Variants in POFUT2 observed in about 807,000 individuals in gnomAD.
The protein encoded by POFUT2 is GDP-fucose protein O-fucosyltransferase 2.
A neutral mutation model predicts 55.0 loss-of-function variants in POFUT2; 30 were observed. That is an observed-to-expected ratio of 0.55 (90% CI 0.41 to 0.74). The LOEUF (loss-of-function observed/expected upper bound fraction) is 0.74. POFUT2 is among the 30% of genes least tolerant of loss of function. The pLI is 0.00. For synonymous variants in POFUT2, 267 were observed against 231.1 expected, an observed-to-expected ratio of 1.16 and a Z score of -1.41; for missense variants, 524 against 562.6, an observed-to-expected ratio of 0.93 and a Z score of 0.69.
chr21:45,268,463 G>C (rs1334540812), intron 7 of POFUT2, among the ~76,000 whole-genome samples: 1 of 151,614 alleles, frequency 6.6e-6, no homozygotes, highest in Non-Finnish European at 1.5e-5. Flanking sequence ...GATGTGAGGA[G>C]CCCCTCTGCC....
chr21:45,272,378 C>A (rs1344782350), intron 6 of POFUT2, among the ~76,000 whole-genome samples: 1 of 152,102 alleles, frequency 6.6e-6, no homozygotes, highest in Admixed American at 6.5e-5. Flanking sequence ...TATACATGCA[C>A]CTAACACTGG....
Position 45,278,185 on chromosome 21 carries a change from A to T in POFUT2, c.639-16T>A. 6.2e-7 allele frequency: 1 copy of T among 1,600,098 alleles called. No individual in the cohort carries two copies. Among genetic ancestry groups the T allele is most frequent in the Non-Finnish European group, 8.6e-7 (1 of 1,167,318 alleles). On this transcript the variant is annotated splice_polypyrimidine_tract_variant and intron_variant, in intron 4 of 8. Transcript: ENST00000349485. ...CATCACGGACCTGTTTTTAAACAAC[A>T]GAAGAATAAACAGTTATAAGAGTTA...
Position 45,285,605 on chromosome 21 carries a change from A to AT in POFUT2, c.382+72dup, listed in dbSNP as rs774686774. 6.3e-7 allele frequency: 1 copy of AT among 1,593,274 alleles called. No individual in the cohort carries two copies. The highest frequency in any genetic ancestry group is 1.1e-5 in the South Asian group (1 of 89,946). On this transcript the variant is annotated intron_variant, in intron 2 of 8. Transcript: ENST00000349485. The surrounding 1 kb of genome is among the most constrained non-coding windows in gnomAD (Gnocchi z 4.9). The stretch of plus-strand genomic sequence containing the variant: ...TGGATGCAATCGTAAGCCCAACCTG[A>AT]TGTCTACCTTAGAAATGACTGCCTG...
rs115217403 is a variant in POFUT2, at chr21:45,280,883, C to T, written c.638+1466G>A. On this transcript the variant is annotated intron_variant, in intron 4 of 8. Transcript: ENST00000349485. ...AGTCCTTAGTTTATCAAATGTGCTG[C>T]AGGACCTCCCTCTCTGAGGCCTGTC... is the stretch of plus-strand genomic sequence containing the variant. Among the ~76,000 whole-genome samples the T allele has an allele frequency of 2.3e-3, 358 of 152,370 alleles. 1 individual carries two copies. The highest frequency in any genetic ancestry group is 8.0e-3 in the African/African-American group (332 of 41,592).
intron 6 of POFUT2, among the ~76,000 whole-genome samples, chr21:45,273,743 G>C (rs763828305): frequency 2.6e-5 from 4 of 152,126 alleles, no homozygotes; most frequent in African/African-American, 7.2e-5. Flanking sequence ...ATGCAGAAGA[G>C]GCATTTGACA....
At chr21:45,272,881 C>T (rs2093230880) in intron 6 of POFUT2, among the ~76,000 whole-genome samples, 1 of 151,838 alleles carries the variant, frequency 6.6e-6, no homozygotes, top group Admixed American at 6.6e-5. Flanking sequence ...TATCAAAACC[C>T]CTGGGACACA....
rs184988316 is a variant in POFUT2 at position 45,276,062 on chromosome 21, G to A, written c.831+955C>T. On this transcript the variant is annotated intron_variant, in intron 6 of 8. Transcript: ENST00000349485. ...AAATTAGCCGGGTGCGGTGGCACGC[G>A]CCTGTGATCCCAGCTACTCGGGAGG... Among the ~76,000 whole-genome samples the A allele has an allele frequency of 5.3e-3, 806 of 152,166 alleles. 6 individuals are homozygous for A. The highest frequency in any genetic ancestry group is 0.018 in the African/African-American group (742 of 41,528).
At chr21:45,271,457 A>G (rs895961668) in intron 6 of POFUT2, among the ~76,000 whole-genome samples, 1 of 152,234 alleles carries the variant, frequency 6.6e-6, no homozygotes, top group Non-Finnish European at 1.5e-5. Context: ...GAGTAATCTA[A>G]AAGTTTGGAA....
intron 6 of POFUT2, 52 bp downstream of exon 6, chr21:45,276,965 T>A (rs2093270141): frequency 1.9e-5 from 30 of 1,595,388 alleles, no homozygotes; most frequent in Non-Finnish European, 2.4e-5. Context: ...GTGTGGGGCA[T>A]CTCCAGAGAG....
Position 45,267,733 on chromosome 21 carries a change from A to G in POFUT2, c.1013-20T>C. 1 of 1,607,870 alleles carries G rather than the reference A, an allele frequency of 6.2e-7. No individual in the cohort carries two copies. Among genetic ancestry groups the G allele is most frequent in the African/African-American group, 1.3e-5 (1 of 74,774 alleles). On this transcript the variant is annotated intron_variant, in intron 7 of 8. Coordinates refer to ENST00000349485, the MANE Select transcript of POFUT2 (RefSeq NM_133635.6). The surrounding 1 kb of genome is among the most constrained non-coding windows in gnomAD (Gnocchi z 4.4). ...CATATTCTGCAAAGTAGAAGGAGAG[A>G]CCCTTTGAACCGGGATCCTCCAGTA...
At chr21:45,268,193 C>A (rs1008590195) in intron 7 of POFUT2, among the ~76,000 whole-genome samples, 1 of 152,226 alleles carries the variant, frequency 6.6e-6, no homozygotes, top group East Asian at 1.9e-4. Context: ...CTGTGTTGGC[C>A]GGGCCGGTCT....
Position 45,282,533 on chromosome 21 carries a change from C to G in POFUT2, c.528-74G>C. On this transcript the variant is annotated intron_variant, in intron 3 of 8. Coordinates refer to ENST00000349485, the MANE Select transcript of POFUT2 (RefSeq NM_133635.6). This position sits in a 1 kb window ranked among gnomAD's most constrained non-coding sequence, Gnocchi z 4.6. The stretch of plus-strand genomic sequence containing the variant: ...AAGGAAAACAAATCAAGTCTAGACA[C>G]GCACACACTGTGGCTTGCTCCTGAT... The G allele has an allele frequency of 1.2e-6, 1 of 847,268 alleles. No individual in the cohort carries two copies. Among genetic ancestry groups the G allele is most frequent in the South Asian group, 1.4e-5 (1 of 71,394 alleles). 52.5% of individuals were successfully genotyped at this position (847,268 alleles called of 1,614,324 possible).
rs144326188 is a variant in POFUT2 at position 45,280,635 on chromosome 21, C to T, written c.638+1714G>A. 8.5e-4 allele frequency among the ~76,000 whole-genome samples: 129 copies of T among 152,340 alleles called. No homozygotes were observed. The Middle Eastern group carries it at 0.014, about 16-fold the overall frequency. On this transcript the variant is annotated intron_variant, in intron 4 of 8. Transcript: ENST00000349485. ...ACAGCAGCTGTCCTTACTCCTGAAT[C>T]GCATGGATCCTGTGTTGGACTCACC...
chr21:45,285,727 T>C lies in POFUT2; in HGVS notation c.333A>G (p.Pro111=). ...TGACGGGGATGTTTTTATTGAGACT[T>C]GGAAGATCAAAAAACTCAGACCAGG... is the stretch of plus-strand genomic sequence containing the variant. The part of the protein sequence containing the change: ...RIPWSEFFDL[P]SLNKNIPVIE... The change falls in exon 2 of 9, where the codon CCA becomes CCG. Residue 111 remains proline (P), a synonymous_variant. Transcript: ENST00000349485. This position sits in a 1 kb window ranked among gnomAD's most constrained non-coding sequence, Gnocchi z 4.9. 1 of 1,613,806 alleles carries C rather than the reference T, an allele frequency of 6.2e-7. No individual in the cohort carries two copies. Among genetic ancestry groups the C allele is most frequent in the Non-Finnish European group, 8.5e-7 (1 of 1,179,998 alleles).
chr21:45,267,316 C>T lies in POFUT2; in HGVS notation c.1136+274G>A. On this transcript the variant is annotated intron_variant, in intron 8 of 8. Coordinates refer to ENST00000349485, the MANE Select transcript of POFUT2 (RefSeq NM_133635.6). This position sits in a 1 kb window ranked among gnomAD's most constrained non-coding sequence, Gnocchi z 4.4. Reference sequence around the variant, plus strand: ...CCGGGAATGATGGGAAAATGCGACACAAGAAGAGGTTCTGAGACGAGGCCA... The same window carrying T: ...CCGGGAATGATGGGAAAATGCGACATAAGAAGAGGTTCTGAGACGAGGCCA... The T allele has an allele frequency of 6.7e-7, 1 of 1,483,162 alleles. No individual in the cohort carries two copies. Among genetic ancestry groups the T allele is most frequent in the Non-Finnish European group, 8.9e-7 (1 of 1,122,682 alleles). The allele number at this position is 1,483,162 out of a possible 1,614,324, so 91.9% of individuals were successfully genotyped here.
chr21:45,266,993 C>T (rs371055071), intron 8 of POFUT2: 134 of 1,041,632 alleles, frequency 1.3e-4, no homozygotes, highest in Non-Finnish European at 1.5e-4. Flanking sequence ...AATGACTGCA[C>T]GCAGGGCCCA....
At chr21:45,287,225 C>T (rs1202889953) in intron 1 of POFUT2, among the ~76,000 whole-genome samples, 3 of 130,238 alleles carry the variant, frequency 2.3e-5, no homozygotes, top group African/African-American at 5.9e-5. Flanking sequence ...GCCCCTGTCC[C>T]GTCCCCGTCC....
rs376931306 is a variant in POFUT2, at chr21:45,277,180, G to A, written c.706-38C>T. ...CGACGGCTCGGCTGAGAACACGCCC[G>A]CCCGCCACGCAGCCCTCCCGGAGCG... On this transcript the variant is annotated intron_variant, in intron 5 of 8. Transcript: ENST00000349485. The surrounding 1 kb of genome is among the most constrained non-coding windows in gnomAD (Gnocchi z 6.9). 5.6e-5 allele frequency: 90 copies of A among 1,599,060 alleles called. No homozygotes were observed. Among genetic ancestry groups the A allele is most frequent in the Non-Finnish European group, 7.3e-5 (86 of 1,175,242 alleles).
At chr21:45,266,787 G>C in intron 8 of POFUT2, 1 of 998,278 alleles carries the variant, frequency 1.0e-6, no homozygotes, top group Non-Finnish European at 1.2e-6. Flanking sequence ...TCGGGCAGGA[G>C]AGAGACAGAC....
Sources: allele counts gnomAD v4.1 joint callset (sites outside exome capture counted in the v4.1 genomes callset), GRCh38; gene constraint gnomAD v4.1.1; non-coding constraint Gnocchi (gnomAD v3.1); transcripts MANE v1.5; gene names NCBI Gene and HGNC (gene_info 2026-07-23, HGNC 2026-07-21).